The following ST3GAL5 variants were observed in gnomAD, a reference collection of about 807,000 sequenced individuals.
ST3GAL5 encodes lactosylceramide alpha-2,3-sialyltransferase.
ST3GAL5 carries 25 observed loss-of-function variants against 46.1 expected under a neutral mutation model. That is an observed-to-expected ratio of 0.54 (90% CI 0.40 to 0.76). ST3GAL5 has a LOEUF of 0.76. ST3GAL5 is among the 30% of genes least tolerant of loss of function. ST3GAL5 has a pLI of 0.00. For synonymous variants in ST3GAL5, 182 were observed against 192.7 expected, an observed-to-expected ratio of 0.94 and a Z score of 0.46; for missense variants, 431 against 521.2, an observed-to-expected ratio of 0.83 and a Z score of 1.69.
intron 6 of ST3GAL5, among the ~76,000 whole-genome samples, chr2:85,840,933 ACT>A (rs1491326255): frequency 1.0e-5 from 1 of 98,584 alleles, no homozygotes; most frequent in African/African-American, 4.3e-5. Flanking sequence ...ACAGAGCAAG[ACT>A]CTGTCTCAAA....
In ST3GAL5 at chr2:85,847,913, G is replaced by A; in HGVS notation, c.610C>T (p.Leu204=). ...RCVVIGSGGI[L]HGLELGHTLN... ...GTGTGGCCCAGTTCTAATCCGTGCAGTATTCCTCCGCTTCCAATAACCACA... is the reference window on the plus strand; with the variant it reads ...GTGTGGCCCAGTTCTAATCCGTGCAATATTCCTCCGCTTCCAATAACCACA... The change falls in exon 4 of 7, where the codon CTG becomes TTG. Residue 204 remains leucine, a synonymous_variant. Transcript: ENST00000638572. 1 of 1,614,164 alleles carries A rather than the reference G, an allele frequency of 6.2e-7. No homozygotes were observed. The highest frequency in any genetic ancestry group is 8.5e-7 in the Non-Finnish European group (1 of 1,180,040).
intron 1 of ST3GAL5, among the ~76,000 whole-genome samples, chr2:85,874,777 G>A (rs1006066448): frequency 6.0e-5 from 9 of 150,834 alleles, no homozygotes; most frequent in Admixed American, 2.7e-4. Context: ...ATGAACAGAA[G>A]AATGAATGAT....
intron 1 of ST3GAL5, among the ~76,000 whole-genome samples, chr2:85,886,429 G>C (rs974741011): frequency 3.3e-5 from 5 of 152,058 alleles, no homozygotes; most frequent in Non-Finnish European, 7.4e-5. Flanking sequence ...CCAGGGTCCC[G>C]GCCAGTTCTG....
At chr2:85,881,807 T>C (rs1161895969) in intron 1 of ST3GAL5, among the ~76,000 whole-genome samples, 1 of 152,200 alleles carries the variant, frequency 6.6e-6, no homozygotes, top group African/African-American at 2.4e-5. Context: ...AACCCCATTT[T>C]CTGGGGAGAA....
chr2:85,884,748 G>A (rs1446511804), intron 1 of ST3GAL5, among the ~76,000 whole-genome samples: 1 of 152,222 alleles, frequency 6.6e-6, no homozygotes, highest in East Asian at 1.9e-4. Context: ...CAGAGGCTGA[G>A]GAGGAGAGAG....
intron 1 of ST3GAL5, chr2:85,870,080 C>T (rs956779727): frequency 1.5e-5 from 6 of 402,868 alleles, no homozygotes; most frequent in Non-Finnish European, 3.1e-5. Flanking sequence ...ACCAAAATTG[C>T]TTATGTGGAT....
chr2:85,888,491 T>A (rs1011244598), intron 1 of ST3GAL5: 3 of 186,068 alleles, frequency 1.6e-5, no homozygotes, highest in Non-Finnish European at 3.3e-5. Context: ...CTCTGCTAAC[T>A]CCGAAGCTTC....
intron 3 of ST3GAL5, among the ~76,000 whole-genome samples, chr2:85,857,066 C>CAAAAA (rs373154047): frequency 8.5e-5 from 6 of 70,940 alleles, no homozygotes; most frequent in Non-Finnish European, 1.1e-4. Context: ...CTGCCTCTAC[C>CAAAAA]AAAAAAAAAA....
chr2:85,840,183 C>T lies in ST3GAL5; in HGVS notation c.1218G>A (p.Val406=). 1 of 1,614,146 alleles carries T rather than the reference C, an allele frequency of 6.2e-7. No individual in the cohort carries two copies. The highest frequency in any genetic ancestry group is 8.5e-7 in the Non-Finnish European group (1 of 1,180,026). Reference sequence around the variant, plus strand: ...CAATGCCTCCACTGAGATCTTTCACCACTCCCTCTTTGACCAGCTTTAAGA... The same window carrying T: ...CAATGCCTCCACTGAGATCTTTCACTACTCCCTCTTTGACCAGCTTTAAGA... ...KFLLKLVKEG[V]VKDLSGGIDR... The change falls in exon 7 of 7, where the codon GTG becomes GTA. Residue 406 remains valine, a synonymous_variant. Coordinates refer to ENST00000638572, the MANE Select transcript of ST3GAL5 (RefSeq NM_003896.4).
chr2:85,870,279 T>A, intron 1 of ST3GAL5: 1 of 468,320 alleles, frequency 2.1e-6, no homozygotes, highest in South Asian at 1.6e-5. Context: ...AAGAGGCATA[T>A]AAAGGGCATC....
At chr2:85,869,399 T>C (rs1685664582) in intron 1 of ST3GAL5, among the ~76,000 whole-genome samples, 1 of 151,734 alleles carries the variant, frequency 6.6e-6, no homozygotes, top group African/African-American at 2.4e-5. Context: ...TTTTTTTTTT[T>C]ACTACCTGAA....
At chr2:85,844,836 C>T (rs1270222859) in intron 5 of ST3GAL5, 20 of 482,940 alleles carry the variant, frequency 4.1e-5, no homozygotes, top group Non-Finnish European at 7.2e-5. Context: ...ATGGTGCTAA[C>T]ACCATCATTT....
At chr2:85,880,571 C>T (rs1029616240) in intron 1 of ST3GAL5, among the ~76,000 whole-genome samples, 1 of 152,178 alleles carries the variant, frequency 6.6e-6, no homozygotes, top group African/African-American at 2.4e-5. Flanking sequence ...TGCCTGTAAT[C>T]CCAGCACTTT....
At chr2:85,856,136 A>G (rs1684082517) in intron 3 of ST3GAL5, 1 of 152,232 alleles carries the variant, frequency 6.6e-6, no homozygotes. Flanking sequence ...ATACTTACAT[A>G]CACATGTTCA....
In ST3GAL5 at chr2:85,846,386, C is replaced by CT; in HGVS notation, c.839dup (p.Glu281GlyfsTer40). 1.2e-6 allele frequency: 2 copies of CT among 1,613,936 alleles called. No homozygotes were observed. ...AAGTATTAGTGCTTACCAGGGTTTC[C>CT]TTTTTTACCATTGCTTGAAGCCAGT... On this transcript the variant is annotated frameshift_variant, in exon 5 of 7. Coordinates refer to ENST00000638572, the MANE Select transcript of ST3GAL5 (RefSeq NM_003896.4). LOFTEE classifies it high-confidence loss of function.
rs71392946 is a variant in ST3GAL5 at position 85,864,583 on chromosome 2, CA to C, written c.83-1099del. ...TACATTAAAAGCAGAAGTGTTACAT[CA>C]AAAAAAAAAAAGAAAAAGAGAGAAT... is the stretch of plus-strand genomic sequence containing the variant. On this transcript the variant is annotated intron_variant, in intron 1 of 6. Transcript: ENST00000638572. Among the ~76,000 whole-genome samples, 506 of 125,708 alleles carry C rather than the reference CA, an allele frequency of 4.0e-3. 1 individual carries two copies. Among genetic ancestry groups the C allele is most frequent in the Non-Finnish European group, 5.5e-3 (304 of 55,688 alleles). 82.5% of individuals were successfully genotyped at this position (125,708 alleles called of 152,430 possible). A position where few individuals can be genotyped will look rare whatever the true frequency, so the allele number is the denominator to read the frequency against.
chr2:85,856,066 A>G (rs1278381387), intron 3 of ST3GAL5: 1 of 152,254 alleles, frequency 6.6e-6, no homozygotes. Flanking sequence ...CATAGTTACC[A>G]TATGACCCAG....
chr2:85,884,103 T>C (rs1687495360), intron 1 of ST3GAL5, among the ~76,000 whole-genome samples: 1 of 152,202 alleles, frequency 6.6e-6, no homozygotes, highest in East Asian at 1.9e-4. Context: ...CTGCCCCCTA[T>C]GGCTTCTTAA....
chr2:85,882,458 T>C (rs941433739), intron 1 of ST3GAL5, among the ~76,000 whole-genome samples: 1 of 152,168 alleles, frequency 6.6e-6, no homozygotes, highest in African/African-American at 2.4e-5. Flanking sequence ...GGGGCAGAGC[T>C]GCCCAAGACC....
Sources: allele counts gnomAD v4.1 joint callset (sites outside exome capture counted in the v4.1 genomes callset), GRCh38; gene constraint gnomAD v4.1.1; transcripts MANE v1.5; gene names NCBI Gene and HGNC (gene_info 2026-07-23, HGNC 2026-07-21).